Variants in KCNJ6 observed in about 807,000 individuals in gnomAD.
KCNJ6 encodes the protein G protein-activated inward rectifier potassium channel 2.
Under a neutral mutation model 34.2 loss-of-function variants are expected in KCNJ6, and 9 were observed. The ratio of observed to expected loss-of-function variants is 0.26; its 90% CI spans 0.16 to 0.46. KCNJ6 has a LOEUF of 0.46. KCNJ6 is among the 20% of genes least tolerant of loss of function. The pLI, the probability that KCNJ6 is intolerant of heterozygous loss-of-function variation, is 1.00. For missense variants in KCNJ6, 236 were observed against 531.3 expected (o/e 0.44, Z 5.46); for synonymous variants, 196 against 207.1 (o/e 0.95, Z 0.46).
chr21:37,637,523 G>T (rs993775181), intron 3 of KCNJ6, among the ~76,000 whole-genome samples: 1 of 152,170 alleles, frequency 6.6e-6, no homozygotes, highest in Admixed American at 6.5e-5. Context: ...TGTTTACTGT[G>T]TGCTGGGCTC....
intron 3 of KCNJ6, among the ~76,000 whole-genome samples, chr21:37,692,999 A>T (rs1273061223): frequency 6.6e-6 from 1 of 152,202 alleles, no homozygotes; most frequent in African/African-American, 2.4e-5. Context: ...GAGCTTCTAC[A>T]AAGTGTCACT....
At chr21:37,653,952 C>T (rs1403104340) in intron 3 of KCNJ6, among the ~76,000 whole-genome samples, 2 of 152,076 alleles carry the variant, frequency 1.3e-5, no homozygotes, top group Non-Finnish European at 2.9e-5. Flanking sequence ...AACAGAGACT[C>T]CAGGACCCTA....
chr21:37,667,357 A>G (rs911020770), intron 3 of KCNJ6, among the ~76,000 whole-genome samples: 4 of 151,958 alleles, frequency 2.6e-5, no homozygotes, highest in African/African-American at 9.7e-5. Flanking sequence ...CCCTCATCAC[A>G]TAGGACCTCT....
chr21:37,890,792 AACACTGCCTCTG>A (rs777720541), intron 1 of KCNJ6, among the ~76,000 whole-genome samples: 14 of 152,226 alleles, frequency 9.2e-5, no homozygotes, highest in Admixed American at 1.3e-4. Flanking sequence ...AATTCAGGAG[AACACTGCCTCTG>A]ACTCTGCCCG....
intron 1 of KCNJ6, among the ~76,000 whole-genome samples, chr21:37,901,987 A>G (rs538962973): frequency 6.6e-6 from 1 of 152,348 alleles, no homozygotes; most frequent in East Asian, 1.9e-4. Context: ...AACCTGATAT[A>G]GAGAGAAGTA....
At chr21:37,640,437 C>T (rs1165534921) in intron 3 of KCNJ6, among the ~76,000 whole-genome samples, 1 of 152,264 alleles carries the variant, frequency 6.6e-6, no homozygotes, top group Non-Finnish European at 1.5e-5. Context: ...AAGTACTCAA[C>T]ACATGGCTCT....
At chr21:37,817,887 T>C (rs1052119976) in intron 2 of KCNJ6, among the ~76,000 whole-genome samples, 1 of 152,304 alleles carries the variant, frequency 6.6e-6, no homozygotes, top group Non-Finnish European at 1.5e-5. Flanking sequence ...TTTTGTATCA[T>C]TATAATTGTC....
chr21:37,634,034 A>G (rs565680994), intron 3 of KCNJ6, among the ~76,000 whole-genome samples: 117 of 152,340 alleles, frequency 7.7e-4, no homozygotes, highest in African/African-American at 2.6e-3. Flanking sequence ...GACTCACTCT[A>G]TTAGATCACA....
At chr21:37,756,544 C>T (rs1484440453) in intron 2 of KCNJ6, among the ~76,000 whole-genome samples, 1 of 152,250 alleles carries the variant, frequency 6.6e-6, no homozygotes, top group Non-Finnish European at 1.5e-5. Flanking sequence ...TGCATTCCTG[C>T]TTTGCAACTG....
At chr21:37,716,966 C>A (rs916396323) in intron 2 of KCNJ6, 1 of 154,338 alleles carries the variant, frequency 6.5e-6, no homozygotes, top group Non-Finnish European at 1.5e-5. Flanking sequence ...GGTTAAAGGA[C>A]AAATGTCATC....
intron 1 of KCNJ6, among the ~76,000 whole-genome samples, chr21:37,855,172 T>A (rs1164918483): frequency 6.6e-6 from 1 of 152,086 alleles, no homozygotes; most frequent in African/African-American, 2.4e-5. Context: ...AAATAAAATT[T>A]TTTTGGTTTC....
Position 37,759,375 on chromosome 21 carries a change from C to T in KCNJ6, c.26-44244G>A, listed in dbSNP as rs147518259. On this transcript the variant is annotated intron_variant, in intron 2 of 3. Coordinates refer to ENST00000609713, the MANE Select transcript of KCNJ6 (RefSeq NM_002240.5). ...AATGTTTGAGGGCTTGGTCATACAG[C>T]TGGAGGGAAGAGTGAGACCAGGAAG... Among the ~76,000 whole-genome samples the T allele has an allele frequency of 2.0e-5, 3 of 152,318 alleles. No individual in the cohort carries two copies. The East Asian group carries it at 5.8e-4, about 29-fold the overall frequency.
chr21:37,821,062 C>T (rs924753465), intron 2 of KCNJ6, among the ~76,000 whole-genome samples: 9 of 152,338 alleles, frequency 5.9e-5, no homozygotes, highest in African/African-American at 2.2e-4. Flanking sequence ...AGATACTTAT[C>T]TCCCATTAAT....
In KCNJ6 at chr21:37,755,144, CAG is replaced by C. The variant is rs548123031; in HGVS notation, c.26-40015_26-40014del. On this transcript the variant is annotated intron_variant, in intron 2 of 3. Transcript: ENST00000609713. Reference sequence around the variant, plus strand: ...AAGTTTGCAAGTGTCTTAGTGGATGCAGAGTCAAGATAAACAGAATTTTCTAG... The same window carrying C: ...AAGTTTGCAAGTGTCTTAGTGGATGCAGTCAAGATAAACAGAATTTTCTAG... Among the ~76,000 whole-genome samples the C allele has an allele frequency of 3.9e-3, 591 of 152,218 alleles. 4 individuals are homozygous for C. Among genetic ancestry groups the C allele is most frequent in the Admixed American group, 0.017 (263 of 15,302 alleles).
intron 2 of KCNJ6, among the ~76,000 whole-genome samples, chr21:37,760,904 G>T (rs2055057840): frequency 6.6e-6 from 1 of 152,156 alleles, no homozygotes; most frequent in Non-Finnish European, 1.5e-5. Context: ...GTCAAGAGGG[G>T]AGGGCCAGAC....
chr21:37,798,844 A>G (rs554642284), intron 2 of KCNJ6, among the ~76,000 whole-genome samples: 2 of 152,276 alleles, frequency 1.3e-5, no homozygotes, highest in South Asian at 2.1e-4. Context: ...AGTTACACAT[A>G]TCTTTGAATA....
chr21:37,758,487 A>G (rs1304275070), intron 2 of KCNJ6, among the ~76,000 whole-genome samples: 1 of 152,214 alleles, frequency 6.6e-6, no homozygotes, highest in African/African-American at 2.4e-5. Flanking sequence ...GCTGATTGCC[A>G]TGATGTGAAT....
In KCNJ6 at chr21:37,661,618, T is replaced by C. The variant is rs1349144389; in HGVS notation, c.947-36134A>G. On this transcript the variant is annotated intron_variant, in intron 3 of 3. Transcript: ENST00000609713. ...CCCATTTCCTTAAGAGACATAGTTT[T>C]TTTTTTTTTTTTTTTTTTTTTTGAG... Among the ~76,000 whole-genome samples the C allele has an allele frequency of 6.4e-4, 63 of 99,022 alleles. 4 individuals carry two copies. The highest frequency in any genetic ancestry group is 2.0e-3 in the African/African-American group (37 of 18,778). 65.0% of individuals were successfully genotyped at this position (99,022 alleles called of 152,430 possible).
intron 2 of KCNJ6, among the ~76,000 whole-genome samples, chr21:37,735,863 A>G (rs2054910178): frequency 6.6e-6 from 1 of 152,178 alleles, no homozygotes; most frequent in Non-Finnish European, 1.5e-5. Flanking sequence ...AAGAAACACA[A>G]TCAAACGGCC....
Sources: allele counts gnomAD v4.1 joint callset (sites outside exome capture counted in the v4.1 genomes callset), GRCh38; gene constraint gnomAD v4.1.1; transcripts MANE v1.5; gene names NCBI Gene and HGNC (gene_info 2026-07-23, HGNC 2026-07-21).